The following CWC22 variants were observed in gnomAD, a reference collection of about 807,000 sequenced individuals.
The protein encoded by CWC22 is CWC22 spliceosome associated protein, also known as pre-mRNA-splicing factor CWC22 homolog.
In CWC22, 53 loss-of-function variants were observed where a neutral mutation model predicts 117.2. The observed-to-expected ratio is 0.45, with a 90% CI of 0.36 to 0.57. The LOEUF (loss-of-function observed/expected upper bound fraction) is 0.57. Among genes scored for constraint, CWC22 ranks in the 20% least tolerant of loss-of-function variants. The probability of loss-of-function intolerance (pLI) is 0.00; values close to 1 mark genes in which losing one functional copy is unlikely to be tolerated. For synonymous variants in CWC22, 360 were observed against 355.6 expected (o/e 1.01, Z -0.14); for missense variants, 980 against 1,068.8 (o/e 0.92, Z 1.16).
intron 16 of CWC22, among the ~76,000 whole-genome samples, chr2:179,953,971 T>C (rs1201217347): frequency 6.6e-6 from 1 of 152,130 alleles, no homozygotes; most frequent in South Asian, 2.1e-4. Context: ...GCCATCACTA[T>C]CGAAACACTG....
At chr2:179,956,029 T>C (rs1409116557) in intron 14 of CWC22, among the ~76,000 whole-genome samples, 1 of 152,056 alleles carries the variant, frequency 6.6e-6, no homozygotes, top group Non-Finnish European at 1.5e-5. Flanking sequence ...AAAGCAAGCA[T>C]ATAAAAACGT....
At chr2:179,967,590 A>G (rs1182920137) in intron 11 of CWC22, among the ~76,000 whole-genome samples, 1 of 152,222 alleles carries the variant, frequency 6.6e-6, no homozygotes, top group African/African-American at 2.4e-5. Context: ...CTAGTAATCA[A>G]TGTATTCTTT....
chr2:179,972,018 T>C lies in CWC22; in HGVS notation c.805-942A>G, dbSNP rs369576723. On this transcript the variant is annotated intron_variant, in intron 8 of 19. Coordinates refer to ENST00000410053, the MANE Select transcript of CWC22 (RefSeq NM_020943.3). Reference sequence around the variant, plus strand: ...GTGTTTCATGGCAATGCCAAAAATCTCTAGTCTAAGTGTAATACACATTTA... The same window carrying C: ...GTGTTTCATGGCAATGCCAAAAATCCCTAGTCTAAGTGTAATACACATTTA... 2.0e-5 allele frequency among the ~76,000 whole-genome samples: 3 copies of C among 152,292 alleles called. No individual in the cohort carries two copies. The South Asian group carries it at 6.2e-4, about 32-fold the overall frequency.
chr2:179,986,579 C>T, intron 4 of CWC22, 116 bp downstream of exon 4: 1 of 581,136 alleles, frequency 1.7e-6, no homozygotes, highest in South Asian at 2.5e-5. Context: ...AAGCCTAGCA[C>T]CTAAAAACAT....
chr2:179,999,496 T>TATATAAG (rs1193887397), intron 1 of CWC22, among the ~76,000 whole-genome samples: 1 of 152,172 alleles, frequency 6.6e-6, no homozygotes, highest in Admixed American at 6.5e-5. Context: ...TTTAATAACA[T>TATATAAG]ATATAAGTAC....
At position 179,959,098 on chromosome 2, in the gene CWC22, C is replaced by T. The variant is rs889238438; in HGVS notation, c.1398-16G>A. ...AAAATCTAAACTGTGGAAATGATCACAATAGGTTAAAAGCTTGCAACATAG... is the reference window on the plus strand; with the variant it reads ...AAAATCTAAACTGTGGAAATGATCATAATAGGTTAAAAGCTTGCAACATAG... On this transcript the variant is annotated splice_polypyrimidine_tract_variant and intron_variant, in intron 13 of 19. Coordinates refer to ENST00000410053, the MANE Select transcript of CWC22 (RefSeq NM_020943.3). The T allele has an allele frequency of 1.3e-6, 2 of 1,534,380 alleles. No homozygotes were observed. Among genetic ancestry groups the T allele is most frequent in the Admixed American group, 1.9e-5 (1 of 52,340 alleles).
At chr2:179,969,477 C>A (rs775736798) in intron 11 of CWC22, among the ~76,000 whole-genome samples, 4 of 152,180 alleles carry the variant, frequency 2.6e-5, no homozygotes, top group African/African-American at 4.8e-5. Flanking sequence ...CACTACTGAA[C>A]AATGGAATGC....
intron 2 of CWC22, among the ~76,000 whole-genome samples, chr2:179,991,732 T>C (rs3843323): frequency 0.9 from 136,612 of 152,262 alleles, 61,331 homozygotes; most frequent in East Asian, 1. Flanking sequence ...CCTTTACGTC[T>C]CCAGCTCCTA....
chr2:179,964,982 A>T (rs967737784), intron 12 of CWC22, among the ~76,000 whole-genome samples: 4 of 152,130 alleles, frequency 2.6e-5, no homozygotes, highest in Non-Finnish European at 5.9e-5. Context: ...GCACTGTATA[A>T]CTCATGCGTA....
intron 12 of CWC22, 128 bp downstream of exon 12, chr2:179,965,750 C>A (rs1686871333): frequency 1.4e-6 from 1 of 737,776 alleles, no homozygotes; most frequent in Non-Finnish European, 2.1e-6. Context: ...CCCTAGTCTT[C>A]ACCTCCTAGA....
chr2:179,976,197 A>G (rs562630987), intron 6 of CWC22, among the ~76,000 whole-genome samples: 1 of 152,318 alleles, frequency 6.6e-6, no homozygotes, highest in Non-Finnish European at 1.5e-5. Flanking sequence ...CAGAATACCC[A>G]GATGCAGAAG....
intron 1 of CWC22, among the ~76,000 whole-genome samples, chr2:179,999,642 C>T (rs1008372220): frequency 3.9e-5 from 6 of 152,160 alleles, no homozygotes; most frequent in Non-Finnish European, 5.9e-5. Context: ...ACCATTGTCA[C>T]TTCGGTGTTC....
intron 8 of CWC22, 142 bp from the exon 9 acceptor site, chr2:179,971,218 A>C: frequency 1.9e-6 from 1 of 525,148 alleles, no homozygotes; most frequent in East Asian, 3.2e-5. Context: ...AAGCACATGG[A>C]AATACTCCAA....
chr2:179,996,831 T>TTA (rs1553562092), intron 1 of CWC22, among the ~76,000 whole-genome samples: 2,716 of 148,788 alleles, frequency 0.018, 91 homozygotes, highest in African/African-American at 0.063. Context: ...TGTTAAAAGA[T>TTA]AAAAAAAAAA....
Position 179,988,598 on chromosome 2 carries a change from C to T in CWC22, c.74G>A (p.Arg25Lys), listed in dbSNP as rs201611161. The T allele has an allele frequency of 4.7e-4, 723 of 1,528,404 alleles. 2 individuals carry two copies. Among genetic ancestry groups the T allele is most frequent in the Admixed American group, 7.1e-4 (36 of 50,926 alleles). 94.7% of individuals were successfully genotyped at this position (1,528,404 alleles called of 1,614,324 possible). Residue 25 changes from arginine to lysine, a missense_variant, in exon 3 of 20, where the codon AGG (arginine) becomes AAG (lysine). Around this residue, in one of 3 missense-constraint regions of CWC22, gnomAD observed 559 missense variants for 602.3 expected, o/e 0.93. Transcript: ENST00000410053. ...DRRENLNSYQ[R>K]NSSPEDRYEE... ...TTACCTGTCTTCTGGAGAGGAGTTC[C>T]TCTGATATGAATTAAGGTTTTCCCT...
At chr2:179,986,647 G>A in intron 4 of CWC22, 48 bp downstream of exon 4, 4 of 1,087,320 alleles carry the variant, frequency 3.7e-6, no homozygotes, top group Middle Eastern at 4.0e-4. Context: ...CATAAAGAGA[G>A]TTTAAACAAA....
rs555627407 is a variant in CWC22 at position 179,977,564 on chromosome 2, G to A, written c.581+626C>T. Among the ~76,000 whole-genome samples, 7 of 152,304 alleles carry A rather than the reference G, an allele frequency of 4.6e-5. No homozygotes were observed. The South Asian group carries it at 1.0e-3, about 23-fold the overall frequency. ...ATAAAATGATGGTTACCAGAGGCTG[G>A]GGGTTGGGGGAATTTAGATGTTGGT... On this transcript the variant is annotated intron_variant, in intron 6 of 19. Coordinates refer to ENST00000410053, the MANE Select transcript of CWC22 (RefSeq NM_020943.3).
At chr2:179,996,219 A>C (rs1687693748) in intron 1 of CWC22, among the ~76,000 whole-genome samples, 1 of 152,218 alleles carries the variant, frequency 6.6e-6, no homozygotes, top group African/African-American at 2.4e-5. Flanking sequence ...ATCTTAAGGA[A>C]AAAGACAATC....
At chr2:179,957,987 G>T (rs748619204) in intron 14 of CWC22, among the ~76,000 whole-genome samples, 2 of 152,126 alleles carry the variant, frequency 1.3e-5, no homozygotes, top group African/African-American at 2.4e-5. Flanking sequence ...GAGCTATCTT[G>T]TGGTGTGCCT....
Sources: allele counts gnomAD v4.1 joint callset (sites outside exome capture counted in the v4.1 genomes callset), GRCh38; gene constraint gnomAD v4.1.1; regional missense constraint gnomAD v4.1.1; transcripts MANE v1.5; gene names NCBI Gene and HGNC (gene_info 2026-07-23, HGNC 2026-07-21).